The following VPS26B variants were observed in gnomAD, a reference collection of about 807,000 sequenced individuals.
The protein encoded by VPS26B is vacuolar protein sorting-associated protein 26B.
VPS26B carries 10 observed loss-of-function variants against 33.3 expected under a neutral mutation model. That is an observed-to-expected ratio of 0.30 (90% CI 0.19 to 0.51). The LOEUF (loss-of-function observed/expected upper bound fraction) is 0.51, where lower values mean the gene tolerates loss of function less well. Among genes scored for constraint, VPS26B ranks in the 20% least tolerant of loss-of-function variants. The pLI is 0.98. For synonymous variants in VPS26B, 190 were observed against 176.9 expected (o/e 1.07, Z -0.59); for missense variants, 317 against 452.7 (o/e 0.70, Z 2.72).
At chr11:134,232,209 ACGCGTGGT>A (rs879438223) in intron 1 of VPS26B, among the ~76,000 whole-genome samples, 84,912 of 151,280 alleles carry the variant, frequency 0.56, 26,599 homozygotes, top group South Asian at 0.74. Flanking sequence ...ATGAAAGATG[ACGCGTGGT>A]TGCTTCTTTG....
At chr11:134,225,526 G>C in intron 1 of VPS26B, 181 bp downstream of exon 1, 1 of 655,924 alleles carries the variant, frequency 1.5e-6, no homozygotes, top group African/African-American at 1.8e-5. Context: ...TGTCCTCCCT[G>C]CCAAAAGTGA....
chr11:134,237,368 G>A (rs1938648464), intron 2 of VPS26B, among the ~76,000 whole-genome samples: 1 of 152,210 alleles, frequency 6.6e-6, no homozygotes. Flanking sequence ...CAGGCATGCA[G>A]CCGTGGAGAT....
rs899537047 is a variant in VPS26B at position 134,224,937 on chromosome 11, G to A, written c.-186G>A. ...GCAGCCGCCAGCCTCCCCCGGCCGTGCCCCTCCCCCGTGGAGCCGGCTGTC... is the reference window on the plus strand; with the variant it reads ...GCAGCCGCCAGCCTCCCCCGGCCGTACCCCTCCCCCGTGGAGCCGGCTGTC... On this transcript the variant is annotated 5_prime_UTR_variant, in exon 1 of 6. Coordinates refer to ENST00000281187, the MANE Select transcript of VPS26B (RefSeq NM_052875.5). 158 of 297,420 alleles carry A rather than the reference G, an allele frequency of 5.3e-4. No homozygotes were observed. Among genetic ancestry groups the A allele is most frequent in the African/African-American group, 3.2e-3 (144 of 44,828 alleles). The allele number at this position is 297,420 out of a possible 1,614,324, so 18.4% of individuals were successfully genotyped here.
Position 134,245,393 on chromosome 11 carries a change from T to G in VPS26B, c.865-51T>G. ...AAGTTGGGAGCCTCTAGGAAACCTG[T>G]CCCCATGCCTCCCTCTAAGGTGTCA... On this transcript the variant is annotated intron_variant, in intron 5 of 5. Coordinates refer to ENST00000281187, the MANE Select transcript of VPS26B (RefSeq NM_052875.5). This position sits in a 1 kb window ranked among gnomAD's most constrained non-coding sequence, Gnocchi z 4.7. The G allele has an allele frequency of 6.2e-7, 1 of 1,605,592 alleles. No individual in the cohort carries two copies. The highest frequency in any genetic ancestry group is 1.1e-5 in the South Asian group (1 of 90,818).
intron 1 of VPS26B, among the ~76,000 whole-genome samples, chr11:134,231,092 A>G (rs1002198142): frequency 6.6e-6 from 1 of 152,228 alleles, no homozygotes; most frequent in Non-Finnish European, 1.5e-5. Context: ...ACACCAGTGA[A>G]GTTTAGAAAG....
chr11:134,235,126 C>G, intron 2 of VPS26B, 73 bp downstream of exon 2: 1 of 1,528,324 alleles, frequency 6.5e-7, no homozygotes, highest in East Asian at 2.3e-5. Flanking sequence ...GAGGCCGTCC[C>G]CACTTTGAGA....
intron 1 of VPS26B, 26 bp from the exon 2 acceptor site, chr11:134,234,871 G>A: frequency 3.1e-6 from 5 of 1,608,510 alleles, no homozygotes; most frequent in Admixed American, 3.3e-5. Flanking sequence ...GATAAAGGAG[G>A]GCGTCGCATC....
At chr11:134,229,374 C>A (rs1416543807) in intron 1 of VPS26B, among the ~76,000 whole-genome samples, 2 of 152,152 alleles carry the variant, frequency 1.3e-5, no homozygotes, top group African/African-American at 4.8e-5. Flanking sequence ...TCTGACCCGA[C>A]CTCTCTTCTG....
Position 134,246,950 on chromosome 11 carries a change from C to G in VPS26B, c.*1360C>G, listed in dbSNP as rs1938838872. The G allele has an allele frequency of 1.3e-5, 2 of 151,928 alleles. No homozygotes were observed. Among genetic ancestry groups the G allele is most frequent in the Admixed American group, 1.3e-4 (2 of 15,248 alleles). 9.4% of individuals were successfully genotyped at this position (151,928 alleles called of 1,614,324 possible). ...AGCAGGCCCCACTGGCCAAGAGGTA[C>G]GGTATTTGGCAGTCTGAGTTCTCAG... On this transcript the variant is annotated 3_prime_UTR_variant, in exon 6 of 6. Transcript: ENST00000281187.
In VPS26B at chr11:134,225,060, G is replaced by C. The variant is rs1938413802; in HGVS notation, c.-63G>C. On this transcript the variant is annotated 5_prime_UTR_variant, in exon 1 of 6. Transcript: ENST00000281187. ...GGGCCCTCTGGCCTTCTTTACCTAG[G>C]GCAGCCCGCGCCCCGGTGCGAGGGA... 6.7e-7 allele frequency: 1 copy of C among 1,495,760 alleles called. No homozygotes were observed. The highest frequency in any genetic ancestry group is 9.0e-7 in the Non-Finnish European group (1 of 1,110,348). The allele number at this position is 1,495,760 out of a possible 1,614,324, so 92.7% of individuals were successfully genotyped here. A position where few individuals can be genotyped will look rare whatever the true frequency, so the allele number is the denominator to read the frequency against.
chr11:134,233,171 C>G (rs1249300263), intron 1 of VPS26B, among the ~76,000 whole-genome samples: 2 of 152,174 alleles, frequency 1.3e-5, no homozygotes, highest in African/African-American at 2.4e-5. Flanking sequence ...CAGCCACAAG[C>G]CACAGCCACA....
chr11:134,225,337 G>A lies in VPS26B; in HGVS notation c.215G>A (p.Gly72Glu). The change falls in exon 1 of 6, where the codon GGG becomes GAG. Residue 72 changes from glycine (G) to glutamate (E), a missense_variant. Transcript: ENST00000281187. Reference protein sequence around the residue: ...EHQGIKIEFIGQIELYYDRGN... With the variant: ...EHQGIKIEFIEQIELYYDRGN... ...CAGGGCATCAAGATCGAGTTCATCGGGCAGATCGGTGAGTCGACCCCCGGG... is the reference window on the plus strand; with the variant it reads ...CAGGGCATCAAGATCGAGTTCATCGAGCAGATCGGTGAGTCGACCCCCGGG... 6.2e-7 allele frequency: 1 copy of A among 1,613,710 alleles called. No individual in the cohort carries two copies. Among genetic ancestry groups the A allele is most frequent in the Non-Finnish European group, 8.5e-7 (1 of 1,179,848 alleles).
chr11:134,240,636 T>C lies in VPS26B; in HGVS notation c.545+481T>C, dbSNP rs2136052081. On this transcript the variant is annotated intron_variant, in intron 3 of 5. Coordinates refer to ENST00000281187, the MANE Select transcript of VPS26B (RefSeq NM_052875.5). This position sits in a 1 kb window ranked among gnomAD's most constrained non-coding sequence, Gnocchi z 4.4. ...TTATAGCAAAGAATATTGGATTTTT[T>C]TTTCAAGATGGGGTACAGTGGCCCA... is the stretch of plus-strand genomic sequence containing the variant. 6.6e-6 allele frequency among the ~76,000 whole-genome samples: 1 copy of C among 152,302 alleles called. No homozygotes were observed. Among genetic ancestry groups the C allele is most frequent in the Middle Eastern group, 3.4e-3 (1 of 294 alleles).
Position 134,247,377 on chromosome 11 carries a change from CA to C in VPS26B, c.*1789del, listed in dbSNP as rs1938853036. On this transcript the variant is annotated 3_prime_UTR_variant, in exon 6 of 6. Transcript: ENST00000281187. ...TGATATTCTAACTAGAAGCATTTGT[CA>C]ATTCCTTTGCCTCCCAACTGACAAC... 1 of 152,230 alleles carries C rather than the reference CA, an allele frequency of 6.6e-6. No individual in the cohort carries two copies. The highest frequency in any genetic ancestry group is 1.5e-5 in the Non-Finnish European group (1 of 68,048). 9.4% of individuals were successfully genotyped at this position (152,230 alleles called of 1,614,324 possible).
In VPS26B at chr11:134,227,884, C is replaced by A. The variant is rs566937488; in HGVS notation, c.223+2539C>A. 5.9e-5 allele frequency among the ~76,000 whole-genome samples: 9 copies of A among 152,340 alleles called. No homozygotes were observed. The Middle Eastern group carries it at 0.014, about 230-fold the overall frequency. ...CACCCACTGGCTTGCTGCTCTTCCT[C>A]CTGTACCTGTTTTACCTGAAGAAGA... On this transcript the variant is annotated intron_variant, in intron 1 of 5. Transcript: ENST00000281187.
rs889280162 is a variant in VPS26B at position 134,244,071 on chromosome 11, G to C, written c.721+777G>C. ...AGATTTAGCTGCCTGCAGCTCTGGGGACACGCGGGTGTTACCATGCCAGGC... is the reference window on the plus strand; with the variant it reads ...AGATTTAGCTGCCTGCAGCTCTGGGCACACGCGGGTGTTACCATGCCAGGC... On this transcript the variant is annotated intron_variant, in intron 4 of 5. Coordinates refer to ENST00000281187, the MANE Select transcript of VPS26B (RefSeq NM_052875.5). The surrounding 1 kb of genome is among the most constrained non-coding windows in gnomAD (Gnocchi z 4.0). 1 of 152,228 alleles carries C rather than the reference G, an allele frequency of 6.6e-6. No individual in the cohort carries two copies. The highest frequency in any genetic ancestry group is 1.5e-5 in the Non-Finnish European group (1 of 68,058). 9.4% of individuals were successfully genotyped at this position (152,228 alleles called of 1,614,324 possible).
rs574608 is a variant in VPS26B, at chr11:134,240,906, C to T, written c.545+751C>T. ...ATCTGCCTGCCTTGGCTTCCCACAGCGCTGGGACTACAGGCATGAGCCACC... is the reference window on the plus strand; with the variant it reads ...ATCTGCCTGCCTTGGCTTCCCACAGTGCTGGGACTACAGGCATGAGCCACC... On this transcript the variant is annotated intron_variant, in intron 3 of 5. Transcript: ENST00000281187. The surrounding 1 kb of genome is among the most constrained non-coding windows in gnomAD (Gnocchi z 4.4). Among the ~76,000 whole-genome samples, 147,113 of 152,116 alleles carry T rather than the reference C, an allele frequency of 0.97. 71,292 individuals carry two copies. Among genetic ancestry groups the T allele is most frequent in the African/African-American group, 0.99 (40,989 of 41,486 alleles).
At chr11:134,239,501 T>C (rs1938685342) in intron 2 of VPS26B, 1 of 170,388 alleles carries the variant, frequency 5.9e-6, no homozygotes, top group Admixed American at 5.5e-5. Context: ...AAAGGTTTAT[T>C]GGGACACTTT....
intron 1 of VPS26B, among the ~76,000 whole-genome samples, chr11:134,231,114 C>A (rs922062945): frequency 6.6e-6 from 1 of 152,162 alleles, no homozygotes; most frequent in Non-Finnish European, 1.5e-5. Flanking sequence ...AGACCTGGGC[C>A]GCCTTGGAGA....
Sources: gnomAD v4.1 joint callset for allele counts (sites outside exome capture counted in the v4.1 genomes callset) on GRCh38, gnomAD v4.1.1 for gene constraint, Gnocchi (gnomAD v3.1) non-coding constraint, MANE v1.5 for transcripts, NCBI Gene and HGNC (gene_info 2026-07-23, HGNC 2026-07-21) for gene names.